The following CYP2B6 variants were observed in gnomAD, a reference collection of about 807,000 sequenced individuals.
CYP2B6 encodes the protein cytochrome P450 family 2 subfamily B member 6.
A neutral mutation model predicts 43.4 loss-of-function variants in CYP2B6; 35 were observed. The observed-to-expected ratio is 0.81, with a 90% CI of 0.62 to 1.07. The LOEUF (loss-of-function observed/expected upper bound fraction) is 1.07, where lower values mean the gene tolerates loss of function less well. Among genes scored for constraint, CYP2B6 ranks in the 50% least tolerant of loss-of-function variants. CYP2B6 has a pLI of 0.00. For synonymous variants in CYP2B6, 239 were observed against 239.2 expected, an observed-to-expected ratio of 1.00 and a Z score of 0.01; for missense variants, 624 against 632.8, an observed-to-expected ratio of 0.99 and a Z score of 0.15.
At chr19:40,997,432 A>G (rs1019171661) in intron 1 of CYP2B6, among the ~76,000 whole-genome samples, 1 of 151,976 alleles carries the variant, frequency 6.6e-6, no homozygotes, top group African/African-American at 2.4e-5. Flanking sequence ...CCTGAATCTT[A>G]GGCTCGTTAT....
In CYP2B6 at chr19:41,012,503, C is replaced by G. The variant is rs1200351973; in HGVS notation, c.1152+18C>G. 6.2e-7 allele frequency: 1 copy of G among 1,614,078 alleles called. No homozygotes were observed. Among genetic ancestry groups the G allele is most frequent in the Non-Finnish European group, 8.5e-7 (1 of 1,179,944 alleles). ...TCCCCAAGGTAAGACCGGCTGGAAC[C>G]CCATAGCCCTCCTGTTTGGGCATCC... On this transcript the variant is annotated intron_variant, in intron 7 of 8. Transcript: ENST00000324071.
intron 3 of CYP2B6, among the ~76,000 whole-genome samples, chr19:41,005,049 T>C (rs34215198): frequency 4.4e-4 from 67 of 152,230 alleles, no homozygotes; most frequent in African/African-American, 1.6e-3. Context: ...CAATTGTGTC[T>C]GTCAAAGTCA....
chr19:41,007,072 G>A lies in CYP2B6; in HGVS notation c.645+7G>A, dbSNP rs1969201542. On this transcript the variant is annotated splice_region_variant and intron_variant, in intron 4 of 8. Transcript: ENST00000324071. Reference sequence around the variant, plus strand: ...CAGCTCTGTATTCGGCCAGGTCAGGGAGACGGAGAGGGACAGGGGGTGTGG... The same window carrying A: ...CAGCTCTGTATTCGGCCAGGTCAGGAAGACGGAGAGGGACAGGGGGTGTGG... The A allele has an allele frequency of 1.2e-6, 2 of 1,613,232 alleles. No individual in the cohort carries two copies. Among genetic ancestry groups the A allele is most frequent in the Non-Finnish European group, 1.7e-6 (2 of 1,179,984 alleles).
intron 1 of CYP2B6, among the ~76,000 whole-genome samples, chr19:40,995,010 A>C (rs16974796): frequency 0.044 from 6,762 of 152,190 alleles, 541 homozygotes; most frequent in African/African-American, 0.15. Flanking sequence ...GCGTTGGTTC[A>C]GAAACTCAAC....
At chr19:41,005,784 A>AAATAAT (rs917784796) in intron 3 of CYP2B6, among the ~76,000 whole-genome samples, 3 of 151,464 alleles carry the variant, frequency 2.0e-5, no homozygotes, top group Non-Finnish European at 2.9e-5. Flanking sequence ...CTGTCTCCAA[A>AAATAAT]AATAATAATA....
At chr19:41,003,850 A>C (rs1969132241) in intron 1 of CYP2B6, 151 bp from the exon 2 acceptor site, 5 of 1,000,480 alleles carry the variant, frequency 5.0e-6, no homozygotes, top group Non-Finnish European at 6.2e-6. Flanking sequence ...TTAACCCTTA[A>C]TTGCTGGGTC....
At chr19:41,007,703 G>C (rs1969213592) in intron 4 of CYP2B6, 1 of 152,106 alleles carries the variant, frequency 6.6e-6, no homozygotes, top group South Asian at 2.1e-4. Flanking sequence ...TCAGCTCACT[G>C]CAACTTCCAC....
At chr19:40,994,485 A>G (rs976450753) in intron 1 of CYP2B6, among the ~76,000 whole-genome samples, 4 of 152,102 alleles carry the variant, frequency 2.6e-5, no homozygotes, top group African/African-American at 7.3e-5. Flanking sequence ...TTTAGTTGGA[A>G]AGAGACTTTA....
Position 41,009,248 on chromosome 19 carries a change from A to T in CYP2B6, c.675A>T (p.Lys225Asn), listed in dbSNP as rs563079673. 11 of 1,612,812 alleles carry T rather than the reference A, an allele frequency of 6.8e-6. No individual in the cohort carries two copies. The South Asian group carries it at 8.8e-5, about 13-fold the overall frequency. The change falls in exon 5 of 9, where the codon AAA (lysine) becomes AAT (asparagine). Residue 225 changes from lysine (K) to asparagine (N), a missense_variant. Physicochemically the swap from Lys to Asn is moderately conservative, Grantham distance 94. Transcript: ENST00000324071. ...TTGAGCTCTTCTCTGGCTTCTTGAA[A>T]TACTTTCCTGGGGCACACAGGCAAG... The part of the protein sequence containing the change: ...QLFELFSGFL[K>N]YFPGAHRQVY...
chr19:40,994,110 C>T (rs111700983), intron 1 of CYP2B6, among the ~76,000 whole-genome samples: 11 of 152,096 alleles, frequency 7.2e-5, no homozygotes, highest in African/African-American at 2.7e-4. Flanking sequence ...CCAACTGGAA[C>T]CTTTTCTGAA....
At chr19:40,999,930 G>A (rs985582304) in intron 1 of CYP2B6, among the ~76,000 whole-genome samples, 5 of 152,102 alleles carry the variant, frequency 3.3e-5, no homozygotes, top group African/African-American at 9.7e-5. Context: ...CTGGACTCAA[G>A]CAATCCTCCT....
intron 1 of CYP2B6, among the ~76,000 whole-genome samples, chr19:41,001,792 G>T (rs538874398): frequency 6.6e-6 from 1 of 152,270 alleles, no homozygotes; most frequent in African/African-American, 2.4e-5. Context: ...TGCGCTTATG[G>T]ACATTCCATT....
At chr19:40,995,420 T>C (rs1968985983) in intron 1 of CYP2B6, among the ~76,000 whole-genome samples, 1 of 152,118 alleles carries the variant, frequency 6.6e-6, no homozygotes, top group South Asian at 2.1e-4. Context: ...CAAGGAACAG[T>C]CTTAGAAGAA....
At chr19:40,999,110 T>C (rs1969041372) in intron 1 of CYP2B6, among the ~76,000 whole-genome samples, 1 of 151,090 alleles carries the variant, frequency 6.6e-6, no homozygotes, top group Non-Finnish European at 1.5e-5. Flanking sequence ...TTTTAATGAT[T>C]GCCATTCTAA....
At chr19:41,007,316 A>T (rs1207288709) in intron 4 of CYP2B6, 6 of 530,158 alleles carry the variant, frequency 1.1e-5, no homozygotes, top group Non-Finnish European at 2.0e-5. Context: ...GAGAGAAGGA[A>T]GATGAGCAAA....
chr19:41,007,371 A>C, intron 4 of CYP2B6: 1 of 406,544 alleles, frequency 2.5e-6, no homozygotes, highest in South Asian at 2.8e-5. Flanking sequence ...TGAGAGACAG[A>C]GTTGATGAGA....
At chr19:41,015,999 T>TACACACACACACACACACAC (rs113314890) in intron 8 of CYP2B6, among the ~76,000 whole-genome samples, 28 of 149,802 alleles carry the variant, frequency 1.9e-4, no homozygotes, top group African/African-American at 6.4e-4. Flanking sequence ...CATGTACAGG[T>TACACACACACACACACACAC]ACACACACAC....
chr19:41,000,555 C>T (rs560241525), intron 1 of CYP2B6, among the ~76,000 whole-genome samples: 2 of 152,222 alleles, frequency 1.3e-5, no homozygotes, highest in East Asian at 1.9e-4. Flanking sequence ...GGTAAAGGTC[C>T]CAAGTGCCTA....
Position 40,991,490 on chromosome 19 carries a change from G to T in CYP2B6, c.171+14G>T, listed in dbSNP as rs575020216. ...TCCTTTCTGAGGGTAAGACACAGAC[G>T]AATGGGGTCTGAGGGTGAGCTGCTT... On this transcript the variant is annotated intron_variant, in intron 1 of 8. Coordinates refer to ENST00000324071, the MANE Select transcript of CYP2B6 (RefSeq NM_000767.5). 1.2e-6 allele frequency: 2 copies of T among 1,613,054 alleles called. No individual in the cohort carries two copies. Among genetic ancestry groups the T allele is most frequent in the Non-Finnish European group, 8.5e-7 (1 of 1,179,844 alleles).
Sources: gnomAD v4.1 joint callset for allele counts (sites outside exome capture counted in the v4.1 genomes callset) on GRCh38, gnomAD v4.1.1 for gene constraint, MANE v1.5 for transcripts, NCBI Gene and HGNC (gene_info 2026-07-23, HGNC 2026-07-21) for gene names.